The following SHISA9 variants were observed in gnomAD, a reference collection of about 807,000 sequenced individuals.
SHISA9 encodes the protein shisa family member 9, also known as protein shisa-9.
Under a neutral mutation model 38.0 loss-of-function variants are expected in SHISA9, and 13 were observed. The ratio of observed to expected loss-of-function variants is 0.34; its 90% CI spans 0.22 to 0.54. The LOEUF is 0.54. Ranked by LOEUF, SHISA9 falls within the 20% of genes least tolerant of loss-of-function variation. The probability of loss-of-function intolerance (pLI) is 0.91; values close to 1 mark genes in which losing one functional copy is unlikely to be tolerated. For synonymous variants in SHISA9, 275 were observed against 242.0 expected (o/e 1.14, Z -1.27); for missense variants, 538 against 575.8 (o/e 0.93, Z 0.67).
At chr16:13,038,491 G>A (rs928317661) in intron 2 of SHISA9, among the ~76,000 whole-genome samples, 8 of 152,068 alleles carry the variant, frequency 5.3e-5, no homozygotes, top group Admixed American at 3.3e-4. Context: ...CTTCTTTGAG[G>A]TCCTCCAATG....
chr16:13,149,215 C>T (rs2050475458), intron 2 of SHISA9, among the ~76,000 whole-genome samples: 1 of 152,156 alleles, frequency 6.6e-6, no homozygotes, highest in African/African-American at 2.4e-5. Flanking sequence ...TATGCTCCTT[C>T]TGAAACTCTC....
chr16:13,517,714 C>T, the SHISA9 span, among the ~76,000 whole-genome samples: 1 of 152,148 alleles, frequency 6.6e-6, no homozygotes, highest in Non-Finnish European at 1.5e-5. Flanking sequence ...AGAAGGACCT[C>T]AGATTCTATA....
intron 3 of SHISA9, among the ~76,000 whole-genome samples, chr16:13,210,620 A>G (rs1049791113): frequency 6.6e-6 from 1 of 152,162 alleles, no homozygotes; most frequent in African/African-American, 2.4e-5. Context: ...GCCATACATG[A>G]GGCACTTGGC....
chr16:13,473,570 C>T, the SHISA9 span, among the ~76,000 whole-genome samples: 2 of 151,986 alleles, frequency 1.3e-5, no homozygotes, highest in African/African-American at 4.8e-5. Flanking sequence ...CCCTGAAATA[C>T]CCACCCTTCC....
chr16:13,023,869 G>A (rs1277193736), intron 2 of SHISA9, among the ~76,000 whole-genome samples: 2 of 152,104 alleles, frequency 1.3e-5, no homozygotes, highest in Non-Finnish European at 2.9e-5. Context: ...GTTAGGACAT[G>A]GTCATATCTT....
the SHISA9 span, among the ~76,000 whole-genome samples, chr16:13,344,716 A>G: frequency 6.6e-6 from 1 of 152,134 alleles, no homozygotes; most frequent in Admixed American, 6.6e-5. Flanking sequence ...TATTGGTCTC[A>G]TTTTATAGGT....
the SHISA9 span, among the ~76,000 whole-genome samples, chr16:13,427,634 G>A: frequency 6.6e-6 from 1 of 152,308 alleles, no homozygotes; most frequent in East Asian, 1.9e-4. Flanking sequence ...GGGAAGAACA[G>A]AGGATAAGTT....
At chr16:13,464,300 T>C in the SHISA9 span, among the ~76,000 whole-genome samples, 1 of 152,116 alleles carries the variant, frequency 6.6e-6, no homozygotes. Context: ...GTTGGAGGAG[T>C]TTGAGAATCA....
chr16:13,423,220 G>A, the SHISA9 span, among the ~76,000 whole-genome samples: 1 of 152,166 alleles, frequency 6.6e-6, no homozygotes, highest in Non-Finnish European at 1.5e-5. Context: ...AAGAGTGAAG[G>A]CTTCAATATT....
chr16:13,199,077 T>C (rs1302139733), intron 2 of SHISA9, among the ~76,000 whole-genome samples: 5 of 152,140 alleles, frequency 3.3e-5, no homozygotes, highest in African/African-American at 9.7e-5. Flanking sequence ...TGTAGAATTA[T>C]TTTTTTTCTT....
At chr16:13,428,663 T>C in the SHISA9 span, among the ~76,000 whole-genome samples, 2 of 152,232 alleles carry the variant, frequency 1.3e-5, no homozygotes, top group South Asian at 4.1e-4. Context: ...GAAGTTATTT[T>C]ATTAATGAAG....
At chr16:13,281,937 T>A in the SHISA9 span, among the ~76,000 whole-genome samples, 1 of 151,836 alleles carries the variant, frequency 6.6e-6, no homozygotes, top group Non-Finnish European at 1.5e-5. Context: ...TAATTTTACT[T>A]CTATATTTGT....
At chr16:13,180,977 C>A (rs574521604) in intron 2 of SHISA9, among the ~76,000 whole-genome samples, 1 of 151,908 alleles carries the variant, frequency 6.6e-6, no homozygotes, top group Middle Eastern at 3.4e-3. Context: ...CATCCAAAAA[C>A]GTTCTGAGCA....
intron 2 of SHISA9, among the ~76,000 whole-genome samples, chr16:13,173,103 G>T (rs1334347141): frequency 5.9e-5 from 9 of 151,818 alleles, no homozygotes; most frequent in African/African-American, 1.7e-4. Flanking sequence ...TTCTCTGTAT[G>T]AATATTATTT....
At position 13,019,877 on chromosome 16, in the gene SHISA9, TCC is replaced by T. The variant is rs1567184029; in HGVS notation, c.691+103064_691+103065del. 3.9e-4 allele frequency among the ~76,000 whole-genome samples: 13 copies of T among 33,466 alleles called. 2 individuals are homozygous for T. The highest frequency in any genetic ancestry group is 1.8e-3 in the Admixed American group (5 of 2,764). 22.0% of individuals were successfully genotyped at this position (33,466 alleles called of 152,430 possible). A position where few individuals can be genotyped will look rare whatever the true frequency, so the allele number is the denominator to read the frequency against. ...CTCCCTCCCTCCCTCCCTCCCTCCCTCCCTCCCTTCTTTCTTTCTTTCTTTCT... is the reference window on the plus strand; with the variant it reads ...CTCCCTCCCTCCCTCCCTCCCTCCCTCTCCCTTCTTTCTTTCTTTCTTTCT... On this transcript the variant is annotated intron_variant, in intron 2 of 4. Coordinates refer to ENST00000558583, the MANE Select transcript of SHISA9 (RefSeq NM_001145204.3).
the SHISA9 span, among the ~76,000 whole-genome samples, chr16:13,355,414 A>G: frequency 6.6e-6 from 1 of 151,686 alleles, no homozygotes; most frequent in Admixed American, 6.6e-5. Flanking sequence ...TTGTGGGTTA[A>G]GGTGGGGGGA....
chr16:13,281,465 G>A, the SHISA9 span, among the ~76,000 whole-genome samples: 1 of 151,136 alleles, frequency 6.6e-6, no homozygotes, highest in African/African-American at 2.4e-5. Context: ...TTTTGGTGTG[G>A]TCCATTTACA....
rs554039316 is a variant in SHISA9 at position 12,934,941 on chromosome 16, TG to T, written c.691+18129del. Among the ~76,000 whole-genome samples, 25 of 152,308 alleles carry T rather than the reference TG, an allele frequency of 1.6e-4. 1 individual carries two copies. The South Asian group carries it at 5.2e-3, about 32-fold the overall frequency. ...GAAGGAACGTCTGATGGTCCAAGTTTGGGATGTCAGGAACCAGGGCAGCTCC... is the reference window on the plus strand; with the variant it reads ...GAAGGAACGTCTGATGGTCCAAGTTTGGATGTCAGGAACCAGGGCAGCTCC... On this transcript the variant is annotated intron_variant, in intron 2 of 4. Transcript: ENST00000558583.
intron 2 of SHISA9, among the ~76,000 whole-genome samples, chr16:12,929,554 C>G (rs764583971): frequency 2.0e-5 from 3 of 151,924 alleles, no homozygotes; most frequent in Non-Finnish European, 2.9e-5. Context: ...AAAGCAAACA[C>G]TGCATGTTCT....
Sources: gnomAD v4.1 joint callset for allele counts (sites outside exome capture counted in the v4.1 genomes callset) on GRCh38, gnomAD v4.1.1 for gene constraint, MANE v1.5 for transcripts, NCBI Gene and HGNC (gene_info 2026-07-23, HGNC 2026-07-21) for gene names.